Variants in LRBA observed in about 807,000 individuals in gnomAD.
The protein encoded by LRBA is LPS responsive beige-like anchor protein.
Under a neutral mutation model 330.0 loss-of-function variants are expected in LRBA, and 176 were observed. The observed-to-expected ratio is 0.53, with a 90% CI of 0.47 to 0.60. LRBA has a LOEUF of 0.60. Among genes scored for constraint, LRBA ranks in the 20% least tolerant of loss-of-function variants. The pLI is 0.00. For synonymous variants in LRBA, 1,230 were observed against 1,193.0 expected (o/e 1.03, Z -0.64); for missense variants, 3,259 against 3,444.8 (o/e 0.95, Z 1.35).
chr4:150,997,756 T>A (rs1486925430), intron 2 of LRBA, among the ~76,000 whole-genome samples: 1 of 151,878 alleles, frequency 6.6e-6, no homozygotes, highest in Admixed American at 6.6e-5. Flanking sequence ...CAGGCTGGAG[T>A]GCAGTGGCGC....
At chr4:150,644,317 T>G (rs1051098131) in intron 37 of LRBA, among the ~76,000 whole-genome samples, 4 of 151,828 alleles carry the variant, frequency 2.6e-5, no homozygotes, top group African/African-American at 9.7e-5. Flanking sequence ...TTAAAACAAA[T>G]TATCTCATCA....
intron 40 of LRBA, among the ~76,000 whole-genome samples, chr4:150,563,681 C>G (rs1479949758): frequency 6.6e-6 from 1 of 152,172 alleles, no homozygotes; most frequent in Non-Finnish European, 1.5e-5. Context: ...CCAACTTCAG[C>G]AAAGTCTCAG....
At chr4:150,924,502 ACT>A (rs948614551) in intron 4 of LRBA, among the ~76,000 whole-genome samples, 71 of 152,188 alleles carry the variant, frequency 4.7e-4, no homozygotes, top group African/African-American at 1.6e-3. Context: ...ACAGAGCAAG[ACT>A]CTGTCTGAAA....
intron 36 of LRBA, among the ~76,000 whole-genome samples, chr4:150,717,675 G>GTAATAGTAATAATAA (rs71596232): frequency 9.3e-5 from 13 of 139,768 alleles, no homozygotes; most frequent in African/African-American, 3.2e-4. Flanking sequence ...AACAATAATA[G>GTAATAGTAATAATAA]TAATAATAAT....
chr4:150,977,260 T>C (rs922968893), intron 2 of LRBA, among the ~76,000 whole-genome samples: 19 of 152,268 alleles, frequency 1.2e-4, no homozygotes, highest in African/African-American at 4.6e-4. Context: ...GACTTTGTCT[T>C]GCATCTTGGA....
chr4:150,677,686 T>C, intron 37 of LRBA, among the ~76,000 whole-genome samples: 1 of 152,012 alleles, frequency 6.6e-6, no homozygotes, highest in Admixed American at 6.6e-5. Context: ...TTTGTAGTCC[T>C]AGCTACTCAG....
At chr4:150,396,276 G>T (rs549408216) in intron 47 of LRBA, among the ~76,000 whole-genome samples, 17 of 152,250 alleles carry the variant, frequency 1.1e-4, no homozygotes, top group African/African-American at 4.1e-4. Flanking sequence ...CAGACTCAGG[G>T]ACTTACACCA....
intron 51 of LRBA, among the ~76,000 whole-genome samples, chr4:150,312,937 G>A (rs1387803239): frequency 2.0e-5 from 3 of 151,560 alleles, no homozygotes; most frequent in Non-Finnish European, 4.4e-5. Flanking sequence ...TTTAATAAAT[G>A]TTCATTTTAT....
At chr4:150,537,748 G>A (rs927004086) in intron 40 of LRBA, among the ~76,000 whole-genome samples, 1 of 152,100 alleles carries the variant, frequency 6.6e-6, no homozygotes, top group Non-Finnish European at 1.5e-5. Flanking sequence ...GTCAGCAGTT[G>A]CTCAGGACCA....
intron 36 of LRBA, among the ~76,000 whole-genome samples, chr4:150,733,932 G>T (rs1269243534): frequency 6.6e-6 from 1 of 152,084 alleles, no homozygotes; most frequent in Non-Finnish European, 1.5e-5. Flanking sequence ...CTAGACCACA[G>T]CATTAGAAAT....
rs1412488324 is a variant in LRBA, at chr4:150,277,843, C to A, written c.8468+10G>T. 5 of 1,612,964 alleles carry A rather than the reference C, an allele frequency of 3.1e-6. No individual in the cohort carries two copies. The highest frequency in any genetic ancestry group is 4.2e-6 in the Non-Finnish European group (5 of 1,179,290). On this transcript the variant is annotated intron_variant, in intron 56 of 56. Coordinates refer to ENST00000651943, the MANE Select transcript of LRBA (RefSeq NM_001364905.1). The stretch of plus-strand genomic sequence containing the variant: ...AAACCCCTATTTGTAGCCCATGATT[C>A]CAGTGTTACCTCTGGTCGTAAGACA...
chr4:150,957,033 T>C (rs1737621202), intron 2 of LRBA, among the ~76,000 whole-genome samples: 1 of 148,936 alleles, frequency 6.7e-6, no homozygotes, highest in African/African-American at 2.6e-5. Context: ...TGTGTGTGTA[T>C]GTGTAGTTTT....
At chr4:150,660,589 C>A (rs1209660774) in intron 37 of LRBA, among the ~76,000 whole-genome samples, 1,283 of 145,872 alleles carry the variant, frequency 8.8e-3, no homozygotes, top group African/African-American at 0.03. Context: ...TCATTGAGAA[C>A]GGGCCAGGAT....
chr4:150,623,968 A>G (rs1029903073), intron 37 of LRBA, among the ~76,000 whole-genome samples: 1 of 152,208 alleles, frequency 6.6e-6, no homozygotes, highest in Non-Finnish European at 1.5e-5. Flanking sequence ...TATTAACTTT[A>G]GTATGTTATA....
intron 30 of LRBA, among the ~76,000 whole-genome samples, chr4:150,823,234 T>C (rs1201926140): frequency 3.9e-5 from 6 of 152,216 alleles, no homozygotes; most frequent in Non-Finnish European, 7.4e-5. Flanking sequence ...AAATGTCTAT[T>C]GAGATCTTTA....
chr4:150,809,922 T>G lies in LRBA; in HGVS notation c.5306-1524A>C, dbSNP rs141722314. On this transcript the variant is annotated intron_variant, in intron 31 of 56. Transcript: ENST00000651943. ...TACGATACGATACGATACGATACGA[T>G]ACGATACGATACTTCCCTCTGCTTC... 1.2e-3 allele frequency among the ~76,000 whole-genome samples: 156 copies of G among 126,628 alleles called. 2 individuals carry two copies. The highest frequency in any genetic ancestry group is 4.5e-3 in the African/African-American group (149 of 33,222). The allele number at this position is 126,628 out of a possible 152,430, so 83.1% of individuals were successfully genotyped here.
intron 29 of LRBA, among the ~76,000 whole-genome samples, chr4:150,828,937 G>T (rs1029492645): frequency 6.7e-6 from 1 of 149,174 alleles, no homozygotes; most frequent in Non-Finnish European, 1.5e-5. Context: ...GTGTGTGTGT[G>T]TGTGTGTGTG....
At position 150,914,469 on chromosome 4, in the gene LRBA, C is replaced by A. The variant is rs1732355202; in HGVS notation, c.1015-128G>T. On this transcript the variant is annotated intron_variant, in intron 8 of 56. Coordinates refer to ENST00000651943, the MANE Select transcript of LRBA (RefSeq NM_001364905.1). ...TCTAAATAGACTAACATAATTTATA[C>A]CATAAAACCATTAGAAAGAATGTTG... is the stretch of plus-strand genomic sequence containing the variant. 3 of 551,532 alleles carry A rather than the reference C, an allele frequency of 5.4e-6. No individual in the cohort carries two copies. In the South Asian group the frequency reaches 1.6e-4, roughly 29 times the overall value. 34.2% of individuals were successfully genotyped at this position (551,532 alleles called of 1,614,324 possible).
At chr4:150,508,939 G>A (rs2152130266) in intron 40 of LRBA, among the ~76,000 whole-genome samples, 1 of 152,274 alleles carries the variant, frequency 6.6e-6, no homozygotes, top group East Asian at 1.9e-4. Flanking sequence ...TAAAATTCAA[G>A]TTGCAATAAA....
Sources: allele counts gnomAD v4.1 joint callset (sites outside exome capture counted in the v4.1 genomes callset), GRCh38; gene constraint gnomAD v4.1.1; transcripts MANE v1.5; gene names NCBI Gene and HGNC (gene_info 2026-07-23, HGNC 2026-07-21).